NUP188: variants seen among roughly 807,000 people sequenced by gnomAD.
The protein encoded by NUP188 is nucleoporin NUP188.
NUP188 carries 97 observed loss-of-function variants against 223.0 expected under a neutral mutation model. The ratio of observed to expected loss-of-function variants is 0.43; its 90% CI spans 0.37 to 0.51. The LOEUF (loss-of-function observed/expected upper bound fraction) is 0.51. Among genes scored for constraint, NUP188 ranks in the 20% least tolerant of loss-of-function variants. The pLI, the probability that NUP188 is intolerant of heterozygous loss-of-function variation, is 0.00. For synonymous variants in NUP188, 869 were observed against 828.0 expected (o/e 1.05, Z -0.85); for missense variants, 1,947 against 2,175.6 (o/e 0.89, Z 2.09).
chr9:128,996,189 A>G (rs1842522788), intron 30 of NUP188, among the ~76,000 whole-genome samples: 1 of 150,174 alleles, frequency 6.7e-6, no homozygotes, highest in Admixed American at 6.7e-5. Context: ...TTGCTCCGTC[A>G]CCCAGGCTGG....
At position 129,006,385 on chromosome 9, in the gene NUP188, A is replaced by G. The variant is rs1466874608; in HGVS notation, c.5073+17A>G. 6.2e-7 allele frequency: 1 copy of G among 1,614,148 alleles called. No homozygotes were observed. Among genetic ancestry groups the G allele is most frequent in the Non-Finnish European group, 8.5e-7 (1 of 1,180,020 alleles). On this transcript the variant is annotated intron_variant, in intron 43 of 43. Transcript: ENST00000372577. ...TCTGAGTTGGTACGGATGGATAGGG[A>G]TACGGAGGGCTGGACCAATAGGGCC...
intron 33 of NUP188, 108 bp downstream of exon 33, chr9:128,999,425 G>T (rs1246304142): frequency 1.7e-5 from 25 of 1,445,542 alleles, no homozygotes; most frequent in Non-Finnish European, 2.1e-5. Flanking sequence ...TGGGACTTTT[G>T]AGTTTCCAGT....
chr9:128,952,979 T>G, intron 3 of NUP188, 133 bp downstream of exon 3: 1 of 697,778 alleles, frequency 1.4e-6, no homozygotes, highest in Non-Finnish European at 2.4e-6. Context: ...AGTTTACCAG[T>G]GGAAAACAGT....
chr9:128,952,974 A>C (rs952403283), intron 3 of NUP188, 128 bp downstream of exon 3: 1 of 744,722 alleles, frequency 1.3e-6, no homozygotes, highest in Non-Finnish European at 2.2e-6. Flanking sequence ...AATTTAGTTT[A>C]CCAGTGGAAA....
In NUP188 at chr9:128,958,049, C is replaced by G. The variant is rs1389909774; in HGVS notation, c.367C>G (p.Leu123Val). The G allele has an allele frequency of 6.2e-7, 1 of 1,612,292 alleles. No homozygotes were observed. ...TGAGAGGCAGAGCCAGGCCTTAATC[C>G]TGAAGGTCAGTAGTAGTCACCATTT... ...QDERQSQALI[L>V]KIADYYYEER... Residue 123 changes from leucine to valine, a missense_variant, in exon 6 of 44, where the codon CTG becomes GTG. Leu to Val is a conservative substitution (Grantham distance 32). Coordinates refer to ENST00000372577, the MANE Select transcript of NUP188 (RefSeq NM_015354.3).
In NUP188 at chr9:129,006,605, C is replaced by T; in HGVS notation, c.5177C>T (p.Ser1726Phe). ...PSPQGKSTSL[S>F]KASPESQEPL... is the part of the protein sequence containing the mutation. ...CCGCAGGGCAAGTCCACCTCTCTCT[C>T]CAAAGCCAGCCCTGAGAGTCAGGAG... is the stretch of plus-strand genomic sequence containing the variant. Residue 1726 changes from serine to phenylalanine, a missense_variant, in exon 44 of 44, where the codon TCC becomes TTC. Around this residue, in one of 3 missense-constraint regions of NUP188, gnomAD observed 905 missense variants for 990.6 expected, o/e 0.91. Transcript: ENST00000372577. The T allele has an allele frequency of 6.2e-7, 1 of 1,614,228 alleles. No individual in the cohort carries two copies. The highest frequency in any genetic ancestry group is 1.3e-5 in the African/African-American group (1 of 75,066).
intron 8 of NUP188, among the ~76,000 whole-genome samples, chr9:128,959,673 C>T (rs1396010366): frequency 6.6e-6 from 1 of 151,456 alleles, no homozygotes; most frequent in African/African-American, 2.4e-5. Flanking sequence ...GCTGGGATTA[C>T]AGGCACCTGC....
At chr9:129,000,059 T>TA (rs1483861109) in intron 34 of NUP188, among the ~76,000 whole-genome samples, 2 of 152,150 alleles carry the variant, frequency 1.3e-5, no homozygotes, top group African/African-American at 2.4e-5. Context: ...AGCAATGACT[T>TA]AGAGATTGTA....
intron 5 of NUP188, among the ~76,000 whole-genome samples, chr9:128,957,604 A>G (rs1340661966): frequency 6.6e-6 from 1 of 152,090 alleles, no homozygotes; most frequent in Non-Finnish European, 1.5e-5. Context: ...AGCTGGGACT[A>G]TAGGCGCCTG....
At position 129,006,590 on chromosome 9, in the gene NUP188, A is replaced by C; in HGVS notation, c.5162A>C (p.Lys1721Thr). 6.2e-7 allele frequency: 1 copy of C among 1,614,204 alleles called. No homozygotes were observed. Residue 1721 changes from lysine to threonine, a missense_variant, in exon 44 of 44, where the codon AAG (lysine) becomes ACG (threonine). Transcript: ENST00000372577. ...ATGVLPSPQG[K>T]STSLSKASPE... ...GGTGTCCTCCCCTCGCCGCAGGGCA[A>C]GTCCACCTCTCTCTCCAAAGCCAGC...
At chr9:128,959,527 C>CTTTTTTTTTTTTTTTTTTTT (rs1303364478) in intron 8 of NUP188, among the ~76,000 whole-genome samples, 1 of 123,898 alleles carries the variant, frequency 8.1e-6, no homozygotes, top group African/African-American at 3.2e-5. Context: ...TACAGATTAT[C>CTTTTTTTTTTTTTTTTTTTT]TTTTTTTTTT....
intron 30 of NUP188, among the ~76,000 whole-genome samples, chr9:128,997,212 G>A (rs1159330463): frequency 2.0e-5 from 3 of 152,162 alleles, no homozygotes; most frequent in African/African-American, 7.2e-5. Flanking sequence ...CAAGTGCAAA[G>A]TTCCAGCAGT....
intron 19 of NUP188, among the ~76,000 whole-genome samples, chr9:128,983,931 C>T (rs1175857583): frequency 1.3e-5 from 2 of 152,028 alleles, no homozygotes; most frequent in Non-Finnish European, 1.5e-5. Flanking sequence ...AGCAATTCTC[C>T]CACCTCAGCC....
chr9:128,989,804 C>A (rs1434895895), intron 24 of NUP188, among the ~76,000 whole-genome samples: 1 of 151,986 alleles, frequency 6.6e-6, no homozygotes, highest in African/African-American at 2.4e-5. Context: ...TGCACTTCAG[C>A]CTGGGTGACT....
At chr9:129,001,508 C>T (rs772180191) in intron 34 of NUP188, 21 bp from the exon 35 acceptor site, 1 of 1,606,282 alleles carries the variant, frequency 6.2e-7, no homozygotes, top group Non-Finnish European at 8.5e-7. Flanking sequence ...CCCCCTTTTA[C>T]TCATCTTTGC....
At chr9:128,956,188 T>TGTGTGTGTGTGTGTGTGTGTGTGTGC (rs2131140766) in intron 3 of NUP188, among the ~76,000 whole-genome samples, 162 bp from the exon 4 acceptor site, 1 of 124,182 alleles carries the variant, frequency 8.1e-6, no homozygotes, top group East Asian at 2.0e-4. Context: ...AATGGGTGTG[T>TGTGTGTGTGTGTGTGTGTGTGTGTGC]GTGTGTGTGT....
chr9:129,001,305 A>C (rs1161449104), intron 34 of NUP188, among the ~76,000 whole-genome samples: 1 of 151,954 alleles, frequency 6.6e-6, no homozygotes, highest in Non-Finnish European at 1.5e-5. Flanking sequence ...AGCTCTGGTC[A>C]GTTTAGGGTT....
chr9:128,966,093 ACTCT>A (rs541624000), intron 8 of NUP188, among the ~76,000 whole-genome samples: 1 of 124,972 alleles, frequency 8.0e-6, no homozygotes, highest in African/African-American at 3.1e-5. Context: ...CCGCGCCCGG[ACTCT>A]CTCTCTTTTT....
intron 2 of NUP188, among the ~76,000 whole-genome samples, chr9:128,951,399 A>C (rs1317346674): frequency 6.6e-6 from 1 of 151,846 alleles, no homozygotes; most frequent in African/African-American, 2.4e-5. Flanking sequence ...AGATCGCTTA[A>C]GCTCAGGATA....
Sources: gnomAD v4.1 joint callset for allele counts (sites outside exome capture counted in the v4.1 genomes callset) on GRCh38, gnomAD v4.1.1 for gene constraint, gnomAD v4.1.1 regional missense constraint, MANE v1.5 for transcripts, NCBI Gene and HGNC (gene_info 2026-07-23, HGNC 2026-07-21) for gene names.